Variants in EML1 observed in about 807,000 individuals in gnomAD.
The protein encoded by EML1 is echinoderm microtubule-associated protein-like 1.
In EML1, 27 loss-of-function variants were observed where a neutral mutation model predicts 110.4. That is an observed-to-expected ratio of 0.24 (90% CI 0.18 to 0.34). The LOEUF (loss-of-function observed/expected upper bound fraction) is 0.34. EML1 is among the 10% of genes least tolerant of loss of function. EML1 has a pLI of 1.00. For missense variants in EML1, 741 were observed against 1,030.9 expected, an observed-to-expected ratio of 0.72 and a Z score of 3.85; for synonymous variants, 344 against 385.8, an observed-to-expected ratio of 0.89 and a Z score of 1.27.
chr14:99,812,222 G>T (rs1320421570), intron 1 of EML1, among the ~76,000 whole-genome samples: 1 of 151,752 alleles, frequency 6.6e-6, no homozygotes, highest in Non-Finnish European at 1.5e-5. Flanking sequence ...AATTCAGGGG[G>T]TTAGGGTTGC....
intron 1 of EML1, among the ~76,000 whole-genome samples, chr14:99,747,187 C>CAAAAA (rs35376029): frequency 1.7e-4 from 16 of 95,506 alleles, no homozygotes; most frequent in African/African-American, 4.0e-4. Flanking sequence ...GACCCCGTCT[C>CAAAAA]AAAAAAAAAA....
At position 99,911,446 on chromosome 14, in the gene EML1, T is replaced by G; in HGVS notation, c.1364T>G (p.Val455Gly). Residue 455 changes from valine (V) to glycine (G), a missense_variant, in exon 13 of 22, where the codon GTT (valine) becomes GGT (glycine). Physicochemically the swap from Val to Gly is moderately radical, Grantham distance 109. Transcript: ENST00000262233. Reference protein sequence around the residue: ...GKGTNRISYAVQGAHEGGIFA... With the variant: ...GKGTNRISYAGQGAHEGGIFA... ...GGTACAAATCGAATAAGCTATGCAGTTCAGGGGGCCCATGAGGGTGGCATT... is the reference window on the plus strand; with the variant it reads ...GGTACAAATCGAATAAGCTATGCAGGTCAGGGGGCCCATGAGGGTGGCATT... The G allele has an allele frequency of 1.2e-6, 2 of 1,610,594 alleles. No homozygotes were observed. The highest frequency in any genetic ancestry group is 1.7e-6 in the Non-Finnish European group (2 of 1,179,484).
chr14:99,933,299 C>G (rs547737440), intron 17 of EML1, among the ~76,000 whole-genome samples: 50 of 152,278 alleles, frequency 3.3e-4, no homozygotes, highest in African/African-American at 1.2e-3. Flanking sequence ...CCTTACCCTC[C>G]CGAGTAGCTG....
At chr14:99,796,936 T>TGTGTGTGAGAGA (rs368044152) in intron 1 of EML1, among the ~76,000 whole-genome samples, 2,208 of 150,122 alleles carry the variant, frequency 0.015, 34 homozygotes, top group East Asian at 0.066. Context: ...TGTGTGTGTG[T>TGTGTGTGAGAGA]GAGAGAGTAA....
intron 10 of EML1, among the ~76,000 whole-genome samples, chr14:99,908,151 G>A (rs144780026): frequency 0.011 from 1,717 of 152,340 alleles, 39 homozygotes; most frequent in African/African-American, 0.039. Context: ...GGTATGGGCA[G>A]GGGCCGCCAG....
intron 3 of EML1, among the ~76,000 whole-genome samples, chr14:99,871,278 G>A (rs2059198493): frequency 6.6e-6 from 1 of 152,108 alleles, no homozygotes; most frequent in Admixed American, 6.5e-5. Context: ...GCCATTGATA[G>A]TGATTCCTCT....
rs148875495 is a variant in EML1 at position 99,751,077 on chromosome 14, C to A, written c.28+13217C>A. Among the ~76,000 whole-genome samples, 736 of 152,222 alleles carry A rather than the reference C, an allele frequency of 4.8e-3. 7 individuals carry two copies. The highest frequency in any genetic ancestry group is 0.017 in the African/African-American group (695 of 41,524). On this transcript the variant is annotated intron_variant, in intron 1 of 10. Transcript: ENST00000554479. The stretch of plus-strand genomic sequence containing the variant: ...AAAAAAGAAAATTAAAAGAAACTAC[C>A]CAAGCAATCATTCCCTTAGCCACCC...
rs111968144 is a variant in EML1 at position 99,905,102 on chromosome 14, G to C, written c.1009-2536G>C. On this transcript the variant is annotated intron_variant, in intron 9 of 21. Transcript: ENST00000262233. This position sits in a 1 kb window ranked among gnomAD's most constrained non-coding sequence, Gnocchi z 4.1. ...GTAAGAAATTCTTACCATTTTGCTGGCATGCCAGGCTTCTGGGTTCCCTTT... is the reference window on the plus strand; with the variant it reads ...GTAAGAAATTCTTACCATTTTGCTGCCATGCCAGGCTTCTGGGTTCCCTTT... 6.6e-6 allele frequency among the ~76,000 whole-genome samples: 1 copy of C among 152,158 alleles called. No homozygotes were observed.
chr14:99,803,697 A>T (rs557808765), intron 1 of EML1, among the ~76,000 whole-genome samples: 1 of 152,360 alleles, frequency 6.6e-6, no homozygotes, highest in East Asian at 1.9e-4. Context: ...TGACACAATG[A>T]AGTGGTTTTT....
upstream of EML1, among the ~76,000 whole-genome samples, chr14:99,788,864 C>G (rs2057628855): frequency 6.6e-6 from 1 of 152,204 alleles, no homozygotes; most frequent in Non-Finnish European, 1.5e-5. Flanking sequence ...CACTCTCTGT[C>G]TCTATGAATT....
chr14:99,799,798 T>G (rs2139680273), intron 1 of EML1, among the ~76,000 whole-genome samples: 1 of 152,368 alleles, frequency 6.6e-6, no homozygotes, highest in East Asian at 1.9e-4. Context: ...GGAGGTTGGA[T>G]AAGAGAGGAG....
At chr14:99,773,436 C>A (rs2057446684) in exon 1 of EML1, 1 of 152,332 alleles carries the variant, frequency 6.6e-6, no homozygotes, top group African/African-American at 2.4e-5. Flanking sequence ...CAGGAGGTCC[C>A]AGAATCTACC....
chr14:99,897,070 C>T (rs2059682845), intron 6 of EML1, 75 bp from the exon 7 acceptor site: 2 of 1,334,658 alleles, frequency 1.5e-6, no homozygotes, highest in South Asian at 1.8e-5. Flanking sequence ...ATTTTATTGC[C>T]TGTGCCTGTT....
chr14:99,816,352 G>A (rs879817637), intron 1 of EML1, among the ~76,000 whole-genome samples: 2 of 152,170 alleles, frequency 1.3e-5, no homozygotes, highest in Non-Finnish European at 2.9e-5. Flanking sequence ...TAGTAGAGAT[G>A]GGGTTTCACC....
chr14:99,897,105 T>G (rs201705960), intron 6 of EML1, 40 bp from the exon 7 acceptor site: 79 of 1,480,426 alleles, frequency 5.3e-5, no homozygotes, highest in Non-Finnish European at 6.4e-5. Context: ...TTTTGTCAGC[T>G]CTTAAAGGGA....
In EML1 at chr14:99,936,396, A is replaced by G; in HGVS notation, c.2095+62A>G. ...TCAGAAAGCGTTCACTCTGAGATCCAGGGGGCCTCTGTGAGAACCCACCTC... is the reference window on the plus strand; with the variant it reads ...TCAGAAAGCGTTCACTCTGAGATCCGGGGGGCCTCTGTGAGAACCCACCTC... On this transcript the variant is annotated intron_variant, in intron 19 of 21. Coordinates refer to ENST00000262233, the MANE Select transcript of EML1 (RefSeq NM_004434.3). The surrounding 1 kb of genome is among the most constrained non-coding windows in gnomAD (Gnocchi z 5.5). 6.6e-7 allele frequency: 1 copy of G among 1,509,698 alleles called. No homozygotes were observed. The highest frequency in any genetic ancestry group is 1.7e-5 in the Admixed American group (1 of 57,602). 93.5% of individuals were successfully genotyped at this position (1,509,698 alleles called of 1,614,324 possible).
At chr14:99,929,178 G>A (rs1458384341) in intron 17 of EML1, among the ~76,000 whole-genome samples, 1 of 152,226 alleles carries the variant, frequency 6.6e-6, no homozygotes, top group African/African-American at 2.4e-5. Flanking sequence ...CAGCTTCAGA[G>A]TCATTGCCTG....
chr14:99,798,813 T>G (rs10134702), intron 1 of EML1, among the ~76,000 whole-genome samples: 18,127 of 152,196 alleles, frequency 0.12, 1,969 homozygotes, highest in African/African-American at 0.29. Context: ...TGGCTAAATC[T>G]TTTCTTAAAT....
rs114880646 is a variant in EML1 at position 99,781,467 on chromosome 14, A to G, written c.-27+7454A>G. On this transcript the variant is annotated intron_variant, in intron 1 of 22. Transcript: ENST00000327921. The surrounding 1 kb of genome is among the most constrained non-coding windows in gnomAD (Gnocchi z 4.2). The stretch of plus-strand genomic sequence containing the variant: ...CTCTCTTGGCTTCTTCTGCATCCGC[A>G]GTGTGGTCTGGCGGGCCAGTTCCCC... 8.4e-3 allele frequency among the ~76,000 whole-genome samples: 1,280 copies of G among 152,214 alleles called. 22 individuals carry two copies. Among genetic ancestry groups the G allele is most frequent in the African/African-American group, 0.029 (1,224 of 41,514 alleles).
Sources: allele counts gnomAD v4.1 joint callset (sites outside exome capture counted in the v4.1 genomes callset), GRCh38; gene constraint gnomAD v4.1.1; non-coding constraint Gnocchi (gnomAD v3.1); transcripts MANE v1.5; gene names NCBI Gene and HGNC (gene_info 2026-07-23, HGNC 2026-07-21).